Variants in PCDHGA2 observed in about 807,000 individuals in gnomAD.
PCDHGA2 encodes protocadherin gamma-A2.
PCDHGA2 carries 40 observed loss-of-function variants against 59.2 expected under a neutral mutation model. The ratio of observed to expected loss-of-function variants is 0.68; its 90% confidence interval spans 0.52 to 0.88. PCDHGA2 has a LOEUF of 0.88. Ranked by LOEUF, PCDHGA2 falls within the 40% of genes least tolerant of loss-of-function variation. PCDHGA2 has a pLI of 0.00. For synonymous variants in PCDHGA2, 560 were observed against 526.0 expected (o/e 1.06, Z -0.89); for missense variants, 1,226 against 1,204.0 (o/e 1.02, Z -0.27).
intron 1 of PCDHGA2, among the ~76,000 whole-genome samples, chr5:141,466,776 C>T (rs2099129231): frequency 6.6e-6 from 1 of 152,104 alleles, no homozygotes; most frequent in African/African-American, 2.4e-5. Flanking sequence ...TTATCTTATT[C>T]TTCTTAGTGC....
At position 141,344,459 on chromosome 5, in the gene PCDHGA2, T is replaced by C. The variant is rs374905915; in HGVS notation, c.2424+3064T>C. 5.1e-4 allele frequency: 826 copies of C among 1,613,718 alleles called. 1 individual carries two copies. Among genetic ancestry groups the C allele is most frequent in the Non-Finnish European group, 6.4e-4 (752 of 1,179,820 alleles). On this transcript the variant is annotated intron_variant, in intron 1 of 3. Coordinates refer to ENST00000394576, the MANE Select transcript of PCDHGA2 (RefSeq NM_018915.4). ...CAACAGAGGAATTGGAAATAAAAATTGGTGAACTAACGGTTCCTGGAACCC... is the reference window on the plus strand; with the variant it reads ...CAACAGAGGAATTGGAAATAAAAATCGGTGAACTAACGGTTCCTGGAACCC...
chr5:141,489,178 C>T lies in PCDHGA2; in HGVS notation c.2425-5629C>T, dbSNP rs909255357. ...GAGACTTCAGCTGCTGCATTCCAAG[C>T]CCTGGGTCTACCTTGGAGACAGGAC... On this transcript the variant is annotated intron_variant, in intron 1 of 3. Transcript: ENST00000394576. This position sits in a 1 kb window ranked among gnomAD's most constrained non-coding sequence, Gnocchi z 4.5. 54 of 1,234,872 alleles carry T rather than the reference C, an allele frequency of 4.4e-5. 1 individual carries two copies. In the East Asian group the frequency reaches 1.2e-3, roughly 29 times the overall value. 76.5% of individuals were successfully genotyped at this position (1,234,872 alleles called of 1,614,324 possible). A position where few individuals can be genotyped will look rare whatever the true frequency, so the allele number is the denominator to read the frequency against.
At chr5:141,403,075 G>A (rs1188549930) in intron 1 of PCDHGA2, 5 of 1,613,968 alleles carry the variant, frequency 3.1e-6, no homozygotes, top group Non-Finnish European at 4.2e-6. Flanking sequence ...AGACAGAAAA[G>A]GGCTATATTG....
chr5:141,357,743 A>G (rs1760722694), intron 1 of PCDHGA2: 1 of 1,230,492 alleles, frequency 8.1e-7, no homozygotes. Context: ...TTATTGCTTT[A>G]AAGAAAACTG....
At chr5:141,394,486 A>G (rs1446259630) in intron 1 of PCDHGA2, 2 of 1,613,980 alleles carry the variant, frequency 1.2e-6, no homozygotes, top group Non-Finnish European at 8.5e-7. Flanking sequence ...CAGAATGACA[A>G]CGCGCCCGAG....
At chr5:141,356,466 A>C in intron 1 of PCDHGA2, 1 of 1,613,768 alleles carries the variant, frequency 6.2e-7, no homozygotes, top group Non-Finnish European at 8.5e-7. Flanking sequence ...ACATCACTGT[A>C]ACTGCCACTG....
intron 1 of PCDHGA2, chr5:141,414,621 C>G: frequency 6.2e-7 from 1 of 1,613,996 alleles, no homozygotes; most frequent in Non-Finnish European, 8.5e-7. Flanking sequence ...CAGCGCTGGA[C>G]CCGGACAGCA....
At chr5:141,508,906 G>A (rs2099872897) in intron 3 of PCDHGA2, among the ~76,000 whole-genome samples, 1 of 152,092 alleles carries the variant, frequency 6.6e-6, no homozygotes, top group Non-Finnish European at 1.5e-5. Context: ...CGGGGCGGTG[G>A]CGGATCTGGC....
chr5:141,370,877 T>C (rs372858299), intron 1 of PCDHGA2: 41 of 1,614,038 alleles, frequency 2.5e-5, no homozygotes, highest in Middle Eastern at 1.6e-4. Flanking sequence ...AAGATCCTGA[T>C]GTAGGTGTCA....
intron 1 of PCDHGA2, among the ~76,000 whole-genome samples, chr5:141,402,580 TA>T (rs2094282125): frequency 6.6e-6 from 1 of 152,226 alleles, no homozygotes; most frequent in Admixed American, 6.5e-5. Context: ...CTCAGATATC[TA>T]AAAAATAGAT....
chr5:141,408,299 A>C, intron 1 of PCDHGA2: 1 of 1,613,662 alleles, frequency 6.2e-7, no homozygotes, highest in Non-Finnish European at 8.5e-7. Context: ...GAGTGAGCCG[A>C]TCCGCTACTC....
intron 1 of PCDHGA2, among the ~76,000 whole-genome samples, chr5:141,436,521 C>T (rs2097829891): frequency 6.6e-6 from 1 of 152,086 alleles, no homozygotes; most frequent in African/African-American, 2.4e-5. Flanking sequence ...AACTGTGTCA[C>T]CTTTAGCAAG....
At chr5:141,356,770 C>T (rs1406276997) in intron 1 of PCDHGA2, 12 of 1,614,006 alleles carry the variant, frequency 7.4e-6, no homozygotes, top group Non-Finnish European at 1.0e-5. Flanking sequence ...CGACTATGAG[C>T]AGTTTAGAGA....
chr5:141,367,135 G>T (rs1283969236), intron 1 of PCDHGA2: 6 of 204,902 alleles, frequency 2.9e-5, no homozygotes, highest in Non-Finnish European at 4.9e-5. Context: ...GTTTTGGAAA[G>T]GATAATGTAT....
chr5:141,419,794 T>G, intron 1 of PCDHGA2: 1 of 1,614,048 alleles, frequency 6.2e-7, no homozygotes, highest in Non-Finnish European at 8.5e-7. Flanking sequence ...TGCTAGTCGC[T>G]GTAAGAGATG....
chr5:141,372,787 C>A (rs370329594), intron 1 of PCDHGA2: 229 of 1,603,212 alleles, frequency 1.4e-4, no homozygotes, highest in Non-Finnish European at 1.9e-4. Flanking sequence ...GAAATGCCTT[C>A]TAATTCAGGC....
chr5:141,360,527 C>A, intron 1 of PCDHGA2: 1 of 1,613,910 alleles, frequency 6.2e-7, no homozygotes, highest in Non-Finnish European at 8.5e-7. Flanking sequence ...GATAATACCC[C>A]GCTATTCAAA....
rs776414451 is a variant in PCDHGA2, at chr5:141,340,132, C to T, written c.1161C>T (p.Pro387=). 1.2e-6 allele frequency: 2 copies of T among 1,614,028 alleles called. No homozygotes were observed. Among genetic ancestry groups the T allele is most frequent in the Admixed American group, 1.7e-5 (1 of 60,008 alleles). Residue 387 remains proline, a synonymous_variant, in exon 1 of 4, where the codon CCC becomes CCT. Transcript: ENST00000394576. ...ACGCATTCACCACCTGTTCACTCCC[C>T]GAGGATCTTCCTTTTAAGTTAGAAA... ...GQNAFTTCSL[P]EDLPFKLEKS...
chr5:141,423,766 C>A, intron 1 of PCDHGA2: 1 of 1,110,086 alleles, frequency 9.0e-7, no homozygotes, highest in Non-Finnish European at 1.1e-6. Context: ...GGGGGTGGGG[C>A]GGCATATATT....
Sources: gnomAD v4.1 joint callset for allele counts (sites outside exome capture counted in the v4.1 genomes callset) on GRCh38, gnomAD v4.1.1 for gene constraint, Gnocchi (gnomAD v3.1) non-coding constraint, MANE v1.5 for transcripts, NCBI Gene and HGNC (gene_info 2026-07-23, HGNC 2026-07-21) for gene names.